Variants in PIK3C2G observed in about 807,000 individuals in gnomAD.
The protein encoded by PIK3C2G is phosphatidylinositol-4-phosphate 3-kinase catalytic subunit type 2 gamma.
Under a neutral mutation model 181.1 loss-of-function variants are expected in PIK3C2G, and 168 were observed. The ratio of observed to expected loss-of-function variants is 0.93; its 90% CI spans 0.82 to 1.05. PIK3C2G has a LOEUF of 1.05. Ranked by LOEUF, PIK3C2G falls within the 50% of genes least tolerant of loss-of-function variation. The probability of loss-of-function intolerance (pLI) is 0.00; values close to 1 mark genes in which losing one functional copy is unlikely to be tolerated. For synonymous variants in PIK3C2G, 573 were observed against 592.2 expected (o/e 0.97, Z 0.47); for missense variants, 1,869 against 1,732.8 (o/e 1.08, Z -1.40).
intron 1 of PIK3C2G, among the ~76,000 whole-genome samples, chr12:18,274,546 C>T (rs1283530271): frequency 2.6e-5 from 4 of 152,046 alleles, no homozygotes; most frequent in South Asian, 2.1e-4. Flanking sequence ...AGCAAACTAT[C>T]GCAAGGACAA....
intron 11 of PIK3C2G, chr12:18,359,002 A>G (rs574183447): frequency 1.7e-4 from 27 of 154,500 alleles, no homozygotes; most frequent in African/African-American, 6.2e-4. Context: ...AGGGCGAGTG[A>G]GCAAGCTGAA....
intron 24 of PIK3C2G, among the ~76,000 whole-genome samples, chr12:18,521,402 G>A (rs1592480068): frequency 6.6e-6 from 1 of 152,198 alleles, no homozygotes; most frequent in African/African-American, 2.4e-5. Context: ...TCCTCTTAGG[G>A]GCTCAGGCCC....
chr12:18,257,554 A>G (rs1463317434), upstream of PIK3C2G, among the ~76,000 whole-genome samples: 2 of 152,036 alleles, frequency 1.3e-5, no homozygotes, highest in African/African-American at 4.8e-5. Context: ...CTGCTTCTCA[A>G]CACCAAGGGA....
intron 31 of PIK3C2G, among the ~76,000 whole-genome samples, chr12:18,619,204 A>G (rs1948736482): frequency 6.6e-6 from 1 of 152,018 alleles, no homozygotes; most frequent in African/African-American, 2.4e-5. Flanking sequence ...TAGTGAAATA[A>G]TGTAGTCTGG....
At chr12:18,488,392 T>C (rs7137852) in intron 18 of PIK3C2G, 57 bp from the exon 19 acceptor site, 1,211,248 of 1,211,386 alleles carry the variant, frequency 1, 605,555 homozygotes, top group Middle Eastern at 1. Context: ...TCCGGCTGGA[T>C]GTGGTTTAAA....
At chr12:18,612,432 C>T (rs1313997907) in intron 31 of PIK3C2G, among the ~76,000 whole-genome samples, 1 of 152,014 alleles carries the variant, frequency 6.6e-6, no homozygotes, top group East Asian at 1.9e-4. Flanking sequence ...TAGAATAGGG[C>T]CAAGTATATA....
At chr12:18,259,198 A>T (rs1203727227), upstream of PIK3C2G, among the ~76,000 whole-genome samples, 43 of 152,150 alleles carry the variant, frequency 2.8e-4, no homozygotes, top group Non-Finnish European at 8.8e-5. Flanking sequence ...TGTACTAGGT[A>T]GCTGCTAAGT....
intron 15 of PIK3C2G, among the ~76,000 whole-genome samples, chr12:18,392,599 C>T (rs1476379383): frequency 3.4e-5 from 5 of 148,318 alleles, no homozygotes; most frequent in Admixed American, 3.3e-4. Flanking sequence ...TCAAAAAGTC[C>T]TTCTTTGGCC....
intron 18 of PIK3C2G, among the ~76,000 whole-genome samples, chr12:18,471,753 A>G (rs926049476): frequency 4.6e-5 from 7 of 152,158 alleles, no homozygotes; most frequent in Admixed American, 2.0e-4. Flanking sequence ...CTTATAATGT[A>G]AGATCTTGTG....
chr12:18,633,379 A>G (rs753247594), intron 31 of PIK3C2G, among the ~76,000 whole-genome samples: 1 of 152,206 alleles, frequency 6.6e-6, no homozygotes, highest in Non-Finnish European at 1.5e-5. Flanking sequence ...TGATACTTAA[A>G]ATAGTCATCT....
intron 5 of PIK3C2G, among the ~76,000 whole-genome samples, chr12:18,294,797 C>T (rs2137232888): frequency 6.6e-6 from 1 of 151,912 alleles, no homozygotes; most frequent in Admixed American, 6.6e-5. Flanking sequence ...TTATATATCC[C>T]CTTTGCATCT....
At chr12:18,684,244 T>G in the PIK3C2G span, 1 of 1,610,424 alleles carries the variant, frequency 6.2e-7, no homozygotes, top group East Asian at 2.2e-5. Flanking sequence ...ACATGAATAA[T>G]AAATGTGAAT....
chr12:18,559,797 TATATATATATATATATATATATATAG>T (rs1489664772), intron 26 of PIK3C2G, among the ~76,000 whole-genome samples: 47 of 49,712 alleles, frequency 9.5e-4, no homozygotes, highest in African/African-American at 2.2e-3. Flanking sequence ...TATATATATA[TATATATATATATATATATATATATAG>T]AGAGAGAGAG....
rs186731640 is a variant in PIK3C2G, at chr12:18,601,722, A to T, written c.4087+7153A>T. Among the ~76,000 whole-genome samples, 7 of 152,268 alleles carry T rather than the reference A, an allele frequency of 4.6e-5. No individual in the cohort carries two copies. The East Asian group carries it at 1.4e-3, about 29-fold the overall frequency. On this transcript the variant is annotated intron_variant, in intron 30 of 32. Transcript: ENST00000538779. ...ATGTCATTTTTCACAGAGTTTGAAA[A>T]AACTATTCTAAAATTCATGTGATAC...
chr12:18,426,325 T>G (rs564339474), intron 18 of PIK3C2G, among the ~76,000 whole-genome samples: 1 of 152,314 alleles, frequency 6.6e-6, no homozygotes. Context: ...CATTGATTTT[T>G]TTTTGTGATT....
At chr12:18,585,168 T>C (rs1047169164) in intron 29 of PIK3C2G, among the ~76,000 whole-genome samples, 1 of 152,046 alleles carries the variant, frequency 6.6e-6, no homozygotes, top group Admixed American at 6.6e-5. Context: ...ACAATACAAT[T>C]ACAGGATCAA....
At chr12:18,689,301 G>GA in the PIK3C2G span, among the ~76,000 whole-genome samples, 1 of 152,048 alleles carries the variant, frequency 6.6e-6, no homozygotes, top group Non-Finnish European at 1.5e-5. Flanking sequence ...ATCTAATTTT[G>GA]AAAAACATAA....
At chr12:18,327,405 A>C (rs1319743608) in intron 8 of PIK3C2G, among the ~76,000 whole-genome samples, 1 of 152,110 alleles carries the variant, frequency 6.6e-6, no homozygotes, top group African/African-American at 2.4e-5. Context: ...ATTACACATG[A>C]TTTGAAAAAA....
At chr12:18,658,909 TA>T in the PIK3C2G span, among the ~76,000 whole-genome samples, 1 of 152,152 alleles carries the variant, frequency 6.6e-6, no homozygotes, top group African/African-American at 2.4e-5. Flanking sequence ...GAGATTTTTG[TA>T]TTTTTTTTGT....
Sources: allele counts gnomAD v4.1 joint callset (sites outside exome capture counted in the v4.1 genomes callset), GRCh38; gene constraint gnomAD v4.1.1; transcripts MANE v1.5; gene names NCBI Gene and HGNC (gene_info 2026-07-23, HGNC 2026-07-21).